The following SLC45A1 variants were observed in gnomAD, a reference collection of about 807,000 sequenced individuals.
SLC45A1 encodes solute carrier family 45 member 1.
A neutral mutation model predicts 57.6 loss-of-function variants in SLC45A1; 28 were observed. That is an observed-to-expected ratio of 0.49 (90% confidence interval 0.36 to 0.67). SLC45A1 has a LOEUF of 0.67. SLC45A1 is among the 30% of genes least tolerant of loss of function. The pLI, the probability that SLC45A1 is intolerant of heterozygous loss-of-function variation, is 0.00. For synonymous variants in SLC45A1, 459 were observed against 471.5 expected (o/e 0.97, Z 0.34); for missense variants, 814 against 1,041.5 (o/e 0.78, Z 3.01).
Position 8,330,045 on chromosome 1 carries a change from C to T in SLC45A1, c.716-164C>T. ...AGGGGGACCTCCTCAAGGGGCCCGC[C>T]CTGGGAATCCTGTCCCATTTTGTTG... On this transcript the variant is annotated intron_variant, in intron 4 of 8. Coordinates refer to ENST00000471889, the MANE Select transcript of SLC45A1 (RefSeq NM_001080397.3). This position sits in a 1 kb window ranked among gnomAD's most constrained non-coding sequence, Gnocchi z 8.4. 5 of 868,998 alleles carry T rather than the reference C, an allele frequency of 5.8e-6. 1 individual carries two copies. Among genetic ancestry groups the T allele is most frequent in the Non-Finnish European group, 5.3e-6 (3 of 569,216 alleles). The allele number at this position is 868,998 out of a possible 1,614,324, so 53.8% of individuals were successfully genotyped here. A position where few individuals can be genotyped will look rare whatever the true frequency, so the allele number is the denominator to read the frequency against.
At chr1:8,319,983 G>T (rs1216133303) in intron 1 of SLC45A1, among the ~76,000 whole-genome samples, 1 of 152,146 alleles carries the variant, frequency 6.6e-6, no homozygotes, top group African/African-American at 2.4e-5. Context: ...CTCCCAAAGT[G>T]CTGGCATTAC....
In SLC45A1 at chr1:8,335,614, C is replaced by T. The variant is rs61747125; in HGVS notation, c.1597+24C>T. On this transcript the variant is annotated intron_variant, in intron 6 of 8. Transcript: ENST00000471889. The surrounding 1 kb of genome is among the most constrained non-coding windows in gnomAD (Gnocchi z 4.1). ...GGGTGAGCTCCCGGCCAAGCCTCCCCGTGAGTCCTGGTCCTGCTCAGGGCT... is the reference window on the plus strand; with the variant it reads ...GGGTGAGCTCCCGGCCAAGCCTCCCTGTGAGTCCTGGTCCTGCTCAGGGCT... 24,824 of 1,583,372 alleles carry T rather than the reference C, an allele frequency of 0.016. 283 individuals carry two copies. The highest frequency in any genetic ancestry group is 0.032 in the South Asian group (2,780 of 87,424).
intron 1 of SLC45A1, among the ~76,000 whole-genome samples, chr1:8,323,319 C>T (rs539053488): frequency 1.6e-4 from 25 of 152,076 alleles, no homozygotes; most frequent in South Asian, 1.2e-3. Flanking sequence ...GATGAAACCC[C>T]GTCTCTACTA....
chr1:8,320,865 G>T (rs548224447), intron 1 of SLC45A1, among the ~76,000 whole-genome samples: 1 of 152,276 alleles, frequency 6.6e-6, no homozygotes, highest in South Asian at 2.1e-4. Flanking sequence ...AAGAGTGGGA[G>T]ATATGCCTGT....
chr1:8,328,803 C>T lies in SLC45A1; in HGVS notation c.716-1406C>T, dbSNP rs997635496. Among the ~76,000 whole-genome samples the T allele has an allele frequency of 3.0e-4, 46 of 152,298 alleles. No individual in the cohort carries two copies. Among genetic ancestry groups the T allele is most frequent in the African/African-American group, 1.0e-3 (43 of 41,566 alleles). On this transcript the variant is annotated intron_variant, in intron 4 of 8. Transcript: ENST00000471889. This position sits in a 1 kb window ranked among gnomAD's most constrained non-coding sequence, Gnocchi z 4.6. The stretch of plus-strand genomic sequence containing the variant: ...GCAGTGAGCTGAGATGGTGCTGCTG[C>T]ACTCCAGCCTGGGCAATAAGAGTGA...
Position 8,326,023 on chromosome 1 carries a change from C to G in SLC45A1, c.696C>G (p.Asn232Lys), listed in dbSNP as rs770875045. 6.2e-7 allele frequency: 1 copy of G among 1,604,280 alleles called. No individual in the cohort carries two copies. Among genetic ancestry groups the G allele is most frequent in the Non-Finnish European group, 8.5e-7 (1 of 1,179,920 alleles). Reference sequence around the variant, plus strand: ...CCGCAGACCAGGACCGAGGCCTGAACATCCACGCCCTCCTGGCAGGTGAGT... The same window carrying G: ...CCGCAGACCAGGACCGAGGCCTGAAGATCCACGCCCTCCTGGCAGGTGAGT... ...CSPADQDRGL[N>K]IHALLAGLGG... The change falls in exon 4 of 9, where the codon AAC (asparagine) becomes AAG (lysine). Residue 232 changes from asparagine to lysine, a missense_variant. By Grantham distance (94) the Asn-to-Lys change is moderately conservative. Coordinates refer to ENST00000471889, the MANE Select transcript of SLC45A1 (RefSeq NM_001080397.3). The surrounding 1 kb of genome is among the most constrained non-coding windows in gnomAD (Gnocchi z 5.5).
rs746109782 is a variant in SLC45A1 at position 8,324,356 on chromosome 1, G to A, written c.27G>A (p.Pro9=). The A allele has an allele frequency of 7.4e-6, 12 of 1,612,584 alleles. No individual in the cohort carries two copies. The highest frequency in any genetic ancestry group is 5.5e-5 in the South Asian group (5 of 91,062). The part of the protein sequence containing the change: MIPAASST[P]PGDALFPSVA... Reference sequence around the variant, plus strand: ...TGATCCCCGCAGCCAGCAGCACCCCGCCGGGAGATGCCCTCTTCCCCAGCG... The same window carrying A: ...TGATCCCCGCAGCCAGCAGCACCCCACCGGGAGATGCCCTCTTCCCCAGCG... The change falls in exon 2 of 9, where the codon CCG becomes CCA. Residue 9 remains proline (P), a synonymous_variant. Coordinates refer to ENST00000471889, the MANE Select transcript of SLC45A1 (RefSeq NM_001080397.3).
Position 8,326,151 on chromosome 1 carries a change from A to G in SLC45A1, c.715+109A>G. The G allele has an allele frequency of 2.6e-6, 2 of 777,164 alleles. No individual in the cohort carries two copies. The highest frequency in any genetic ancestry group is 2.1e-6 in the Non-Finnish European group (1 of 482,500). The allele number at this position is 777,164 out of a possible 1,614,324, so 48.1% of individuals were successfully genotyped here. A position where few individuals can be genotyped will look rare whatever the true frequency, so the allele number is the denominator to read the frequency against. On this transcript the variant is annotated intron_variant, in intron 4 of 8. Coordinates refer to ENST00000471889, the MANE Select transcript of SLC45A1 (RefSeq NM_001080397.3). The surrounding 1 kb of genome is among the most constrained non-coding windows in gnomAD (Gnocchi z 5.5). ...CTGATTTAACAAAGAAGCTGGGAGA[A>G]TTCCAATACATGGAGAAACACTGAA...
In SLC45A1 at chr1:8,335,574, C is replaced by G. The variant is rs374405899; in HGVS notation, c.1581C>G (p.Cys527Trp). ...CNMPKALRTL[C>W]VNHFLGWLSF... ...TGCCCAAGGCGCTACGCACCCTCTG[C>G]GTCAACCACTTCCTGGGTGAGCTCC... Residue 527 changes from cysteine to tryptophan, a missense_variant, in exon 6 of 9, where the codon TGC becomes TGG. Cys to Trp is a radical substitution (Grantham distance 215). Transcript: ENST00000471889. This position sits in a 1 kb window ranked among gnomAD's most constrained non-coding sequence, Gnocchi z 4.1. 4 of 1,603,690 alleles carry G rather than the reference C, an allele frequency of 2.5e-6. No individual in the cohort carries two copies. Among genetic ancestry groups the G allele is most frequent in the Non-Finnish European group, 3.4e-6 (4 of 1,177,810 alleles).
In SLC45A1 at chr1:8,335,105, G is replaced by A. The variant is rs193154368; in HGVS notation, c.1444-332G>A. Among the ~76,000 whole-genome samples the A allele has an allele frequency of 1.3e-5, 2 of 151,308 alleles. No individual in the cohort carries two copies. The highest frequency in any genetic ancestry group is 4.9e-5 in the African/African-American group (2 of 41,180). On this transcript the variant is annotated intron_variant, in intron 5 of 8. Transcript: ENST00000471889. This position sits in a 1 kb window ranked among gnomAD's most constrained non-coding sequence, Gnocchi z 4.1. Reference sequence around the variant, plus strand: ...AAGGACTTCCTAGGCGTGTGGATCTGAACTGACCCATGTTTTTTCATTTCA... The same window carrying A: ...AAGGACTTCCTAGGCGTGTGGATCTAAACTGACCCATGTTTTTTCATTTCA...
Position 8,330,931 on chromosome 1 carries a change from C to A in SLC45A1, c.1438C>A (p.Gln480Lys). 6.3e-7 allele frequency: 1 copy of A among 1,580,640 alleles called. No homozygotes were observed. ...TSRRRNVTFSQQVANILLNGV... is the reference protein window; with the variant it reads ...TSRRRNVTFSKQVANILLNGV... ...CAGGAGAAGGAATGTGACCTTCAGT[C>A]AGCAGGTAACAGCAAATGTCGGGGG... The change falls in exon 5 of 9, where the codon CAG becomes AAG. Residue 480 changes from glutamine to lysine, a missense_variant. By Grantham distance (53) the Gln-to-Lys change is moderately conservative (BLOSUM62 1). Coordinates refer to ENST00000471889, the MANE Select transcript of SLC45A1 (RefSeq NM_001080397.3). This position sits in a 1 kb window ranked among gnomAD's most constrained non-coding sequence, Gnocchi z 8.4.
chr1:8,336,324 C>T (rs899591739), intron 6 of SLC45A1, among the ~76,000 whole-genome samples: 4 of 151,498 alleles, frequency 2.6e-5, no homozygotes, highest in Admixed American at 6.6e-5. Flanking sequence ...GCAGGAGAAT[C>T]GCTTGAACTC....
intron 8 of SLC45A1, among the ~76,000 whole-genome samples, chr1:8,339,956 G>C (rs1640758179): frequency 6.6e-6 from 1 of 152,212 alleles, no homozygotes; most frequent in Non-Finnish European, 1.5e-5. Flanking sequence ...AGGGATGTGG[G>C]GAATGGGAGG....
At chr1:8,333,947 T>A (rs1177636545) in intron 5 of SLC45A1, among the ~76,000 whole-genome samples, 2 of 152,198 alleles carry the variant, frequency 1.3e-5, no homozygotes, top group African/African-American at 4.8e-5. Context: ...GAACTGGAAA[T>A]CACTGGAGAG....
intron 1 of SLC45A1, among the ~76,000 whole-genome samples, chr1:8,319,866 G>A (rs1471128255): frequency 6.6e-6 from 1 of 151,948 alleles, no homozygotes; most frequent in African/African-American, 2.4e-5. Flanking sequence ...ACAGGCACTC[G>A]CCACCATGCC....
In SLC45A1 at chr1:8,343,665, T is replaced by C. The variant is rs1417373945; in HGVS notation, c.1981-82T>C. 5 of 1,512,192 alleles carry C rather than the reference T, an allele frequency of 3.3e-6. No individual in the cohort carries two copies. Among genetic ancestry groups the C allele is most frequent in the East Asian group, 2.3e-5 (1 of 43,854 alleles). The allele number at this position is 1,512,192 out of a possible 1,614,324, so 93.7% of individuals were successfully genotyped here. A position where few individuals can be genotyped will look rare whatever the true frequency, so the allele number is the denominator to read the frequency against. ...CTGTGTGTGGGCCGCTCGGGCCTCC[T>C]GGGCTCGCAGGACACACCGAGCTCG... On this transcript the variant is annotated intron_variant, in intron 8 of 8. Coordinates refer to ENST00000471889, the MANE Select transcript of SLC45A1 (RefSeq NM_001080397.3). The surrounding 1 kb of genome is among the most constrained non-coding windows in gnomAD (Gnocchi z 7.7).
In SLC45A1 at chr1:8,330,369, G is replaced by A. The variant is rs1278737868; in HGVS notation, c.876G>A (p.Pro292=). The part of the protein sequence containing the change: ...VLTLVSIPER[P]LRPPSEKRAA... The stretch of plus-strand genomic sequence containing the variant: ...CCCTGGTCAGCATCCCTGAGAGGCC[G>A]CTGCGGCCGCCGAGTGAGAAGCGGG... The change falls in exon 5 of 9, where the codon CCG becomes CCA. Residue 292 remains proline (P), a synonymous_variant. Transcript: ENST00000471889. This position sits in a 1 kb window ranked among gnomAD's most constrained non-coding sequence, Gnocchi z 8.4. 26 of 1,612,878 alleles carry A rather than the reference G, an allele frequency of 1.6e-5. No individual in the cohort carries two copies. The highest frequency in any genetic ancestry group is 4.0e-5 in the African/African-American group (3 of 74,882).
At position 8,330,582 on chromosome 1, in the gene SLC45A1, G is replaced by A; in HGVS notation, c.1089G>A (p.Glu363=). Residue 363 remains glutamate, a synonymous_variant, in exon 5 of 9, where the codon GAG becomes GAA. Coordinates refer to ENST00000471889, the MANE Select transcript of SLC45A1 (RefSeq NM_001080397.3). This position sits in a 1 kb window ranked among gnomAD's most constrained non-coding sequence, Gnocchi z 8.4. ...SRDSSLTGIS[E]FASSFGTANI... ...ACAGCTCCCTGACGGGCATCAGCGA[G>A]TTCGCCTCATCCTTTGGCACGGCCA... 1 of 1,613,554 alleles carries A rather than the reference G, an allele frequency of 6.2e-7. No homozygotes were observed. The highest frequency in any genetic ancestry group is 8.5e-7 in the Non-Finnish European group (1 of 1,180,000).
At chr1:8,340,897 AGAGT>A (rs1398194032) in intron 8 of SLC45A1, among the ~76,000 whole-genome samples, 1 of 152,154 alleles carries the variant, frequency 6.6e-6, no homozygotes, top group Non-Finnish European at 1.5e-5. Flanking sequence ...GCATAAATTA[AGAGT>A]AAGAGAGGGG....
Sources: allele counts gnomAD v4.1 joint callset (sites outside exome capture counted in the v4.1 genomes callset), GRCh38; gene constraint gnomAD v4.1.1; non-coding constraint Gnocchi (gnomAD v3.1); transcripts MANE v1.5; gene names NCBI Gene and HGNC (gene_info 2026-07-23, HGNC 2026-07-21).